Variants in KCNH7 observed in about 807,000 individuals in gnomAD.
KCNH7 encodes the protein potassium voltage-gated channel subfamily H member 7.
KCNH7 carries 49 observed loss-of-function variants against 120.8 expected under a neutral mutation model. That is an observed-to-expected ratio of 0.41 (90% CI 0.32 to 0.51). The LOEUF (loss-of-function observed/expected upper bound fraction) is 0.51, where lower values mean the gene tolerates loss of function less well. Among genes scored for constraint, KCNH7 ranks in the 20% least tolerant of loss-of-function variants. The probability of loss-of-function intolerance (pLI) is 0.38; values close to 1 mark genes in which losing one functional copy is unlikely to be tolerated. For missense variants in KCNH7, 1,097 were observed against 1,446.6 expected, an observed-to-expected ratio of 0.76 and a Z score of 3.92; for synonymous variants, 547 against 516.1, an observed-to-expected ratio of 1.06 and a Z score of -0.81.
chr2:162,750,225 T>C (rs1328186473), intron 2 of KCNH7, among the ~76,000 whole-genome samples: 1 of 151,886 alleles, frequency 6.6e-6, no homozygotes, highest in East Asian at 1.9e-4. Flanking sequence ...GATTAATGAG[T>C]TACAGAGAAA....
chr2:162,825,521 A>C (rs1685250292), intron 2 of KCNH7, among the ~76,000 whole-genome samples: 1 of 152,040 alleles, frequency 6.6e-6, no homozygotes, highest in African/African-American at 2.4e-5. Flanking sequence ...ATTTGACAAG[A>C]GATTTCAAAA....
intron 6 of KCNH7, among the ~76,000 whole-genome samples, chr2:162,452,934 C>G (rs1429220092): frequency 6.6e-6 from 1 of 151,918 alleles, no homozygotes; most frequent in Non-Finnish European, 1.5e-5. Flanking sequence ...TCCTCTCTCT[C>G]TCTTATTTTA....
At chr2:162,616,505 G>A (rs6432729) in intron 2 of KCNH7, among the ~76,000 whole-genome samples, 89,233 of 151,954 alleles carry the variant, frequency 0.59, 26,982 homozygotes, top group African/African-American at 0.73. Context: ...TAACTTTCTG[G>A]GTCTTTGTTC....
At chr2:162,457,690 G>A (rs1316760661) in intron 6 of KCNH7, among the ~76,000 whole-genome samples, 2 of 152,260 alleles carry the variant, frequency 1.3e-5, no homozygotes, top group East Asian at 1.9e-4. Flanking sequence ...GCTGTTAAAC[G>A]CCATGATGAG....
chr2:162,816,257 C>CAAAAAAAA, intron 2 of KCNH7, among the ~76,000 whole-genome samples: 1 of 59,988 alleles, frequency 1.7e-5, no homozygotes, highest in African/African-American at 6.6e-5. Flanking sequence ...AACTCCATCT[C>CAAAAAAAA]AAAAAAAAAA....
chr2:162,613,886 A>G (rs1264909906), intron 2 of KCNH7, among the ~76,000 whole-genome samples: 1 of 152,030 alleles, frequency 6.6e-6, no homozygotes, highest in Non-Finnish European at 1.5e-5. Context: ...GGACAGAAAC[A>G]GTGTTTAAAT....
At chr2:162,474,383 C>T (rs1689661067) in intron 6 of KCNH7, among the ~76,000 whole-genome samples, 1 of 152,170 alleles carries the variant, frequency 6.6e-6, no homozygotes, top group Non-Finnish European at 1.5e-5. Context: ...TTTTAAAGAC[C>T]ACTTTGCCAT....
intron 2 of KCNH7, among the ~76,000 whole-genome samples, chr2:162,567,369 C>G (rs1413456820): frequency 6.6e-6 from 1 of 151,944 alleles, no homozygotes; most frequent in Non-Finnish European, 1.5e-5. Flanking sequence ...GGTAAACACT[C>G]ATACGAAATT....
At chr2:162,596,085 G>T (rs1470242713) in intron 2 of KCNH7, among the ~76,000 whole-genome samples, 3 of 151,950 alleles carry the variant, frequency 2.0e-5, no homozygotes, top group African/African-American at 7.2e-5. Context: ...AAGAAATTCT[G>T]TGTCCTTTGA....
At chr2:162,790,319 GA>G (rs1683883744) in intron 2 of KCNH7, among the ~76,000 whole-genome samples, 2 of 151,648 alleles carry the variant, frequency 1.3e-5, no homozygotes, top group Non-Finnish European at 3.0e-5. Context: ...TAACTAATCA[GA>G]AGAAATAAAG....
intron 2 of KCNH7, among the ~76,000 whole-genome samples, chr2:162,819,108 C>T (rs923666081): frequency 2.0e-5 from 3 of 151,970 alleles, no homozygotes; most frequent in Non-Finnish European, 4.4e-5. Flanking sequence ...AAGAGACATG[C>T]CAACAAACTA....
At chr2:162,729,990 T>A (rs1356073422) in intron 2 of KCNH7, among the ~76,000 whole-genome samples, 1 of 151,670 alleles carries the variant, frequency 6.6e-6, no homozygotes, top group African/African-American at 2.4e-5. Flanking sequence ...AATAAGAAAT[T>A]GAAAACATAA....
intron 2 of KCNH7, among the ~76,000 whole-genome samples, chr2:162,726,612 G>T (rs1479667330): frequency 6.6e-6 from 1 of 152,002 alleles, no homozygotes; most frequent in Non-Finnish European, 1.5e-5. Flanking sequence ...TAAAGACAAG[G>T]TTTCACCGTG....
intron 2 of KCNH7, among the ~76,000 whole-genome samples, chr2:162,687,142 G>A (rs950720922): frequency 5.9e-5 from 9 of 151,952 alleles, no homozygotes; most frequent in African/African-American, 2.2e-4. Context: ...ATTTTGCTTG[G>A]TCAGCCTCGG....
intron 9 of KCNH7, among the ~76,000 whole-genome samples, chr2:162,422,419 A>G (rs1016824982): frequency 1.3e-5 from 2 of 152,170 alleles, no homozygotes; most frequent in African/African-American, 4.8e-5. Context: ...TTTCTTAGAA[A>G]TTCTTAGAAA....
At chr2:162,638,816 G>T (rs6752297) in intron 2 of KCNH7, among the ~76,000 whole-genome samples, 86,599 of 151,894 alleles carry the variant, frequency 0.57, 27,016 homozygotes, top group African/African-American at 0.82. Flanking sequence ...CGATAAGAGG[G>T]CCTAGAGAAA....
chr2:162,481,404 G>T (rs1229193020), intron 6 of KCNH7, among the ~76,000 whole-genome samples: 4 of 152,142 alleles, frequency 2.6e-5, no homozygotes, highest in African/African-American at 9.7e-5. Flanking sequence ...CAAGAACATT[G>T]TCAGTATTAA....
At chr2:162,691,250 A>G (rs1469038124) in intron 2 of KCNH7, among the ~76,000 whole-genome samples, 2 of 152,152 alleles carry the variant, frequency 1.3e-5, no homozygotes, top group Non-Finnish European at 2.9e-5. Flanking sequence ...ATTGTTCTGA[A>G]TATATTTTTC....
At chr2:162,778,903 T>C (rs1174797269) in intron 2 of KCNH7, among the ~76,000 whole-genome samples, 8 of 151,772 alleles carry the variant, frequency 5.3e-5, no homozygotes, top group African/African-American at 1.7e-4. Flanking sequence ...TGGCCAATTA[T>C]TGACCCATTG....
Sources: allele counts gnomAD v4.1 joint callset (sites outside exome capture counted in the v4.1 genomes callset), GRCh38; gene constraint gnomAD v4.1.1; transcripts MANE v1.5; gene names NCBI Gene and HGNC (gene_info 2026-07-23, HGNC 2026-07-21).